Variants in MCF2L2 observed in about 807,000 individuals in gnomAD.
MCF2L2 encodes the protein MCF.2 cell line derived transforming sequence-like 2.
MCF2L2 carries 102 observed loss-of-function variants against 150.2 expected under a neutral mutation model. The ratio of observed to expected loss-of-function variants is 0.68; its 90% CI spans 0.58 to 0.80. MCF2L2 has a LOEUF of 0.80. Among genes scored for constraint, MCF2L2 ranks in the 30% least tolerant of loss-of-function variants. The probability of loss-of-function intolerance (pLI) is 0.00; values close to 1 mark genes in which losing one functional copy is unlikely to be tolerated. For missense variants in MCF2L2, 1,256 were observed against 1,372.8 expected (o/e 0.91, Z 1.34); for synonymous variants, 465 against 491.3 (o/e 0.95, Z 0.71).
chr3:183,344,229 C>T (rs1730815822), intron 3 of MCF2L2, among the ~76,000 whole-genome samples: 1 of 151,862 alleles, frequency 6.6e-6, no homozygotes, highest in Non-Finnish European at 1.5e-5. Context: ...TGAAATTAAT[C>T]CCAGGTAGAT....
At chr3:183,390,869 C>G (rs79829255) in intron 1 of MCF2L2, among the ~76,000 whole-genome samples, 2,217 of 152,226 alleles carry the variant, frequency 0.015, 52 homozygotes, top group African/African-American at 0.051. Flanking sequence ...TGCACTCCAG[C>G]CTGGACAACA....
chr3:183,216,903 C>G (rs2108657461), intron 21 of MCF2L2, among the ~76,000 whole-genome samples: 1 of 151,470 alleles, frequency 6.6e-6, no homozygotes, highest in East Asian at 1.9e-4. Flanking sequence ...CTGTGCCTGG[C>G]CAGAATTTAG....
chr3:183,285,788 G>A (rs558696395), intron 14 of MCF2L2, among the ~76,000 whole-genome samples: 10 of 152,074 alleles, frequency 6.6e-5, no homozygotes, highest in South Asian at 6.2e-4. Flanking sequence ...ACTTTAACAG[G>A]CACCAAAGGA....
chr3:183,258,028 T>C (rs775842899), intron 15 of MCF2L2, among the ~76,000 whole-genome samples: 8 of 123,314 alleles, frequency 6.5e-5, no homozygotes, highest in South Asian at 5.7e-4. Flanking sequence ...AGTGCAATGG[T>C]GCCATCTCGG....
At position 183,231,008 on chromosome 3, in the gene MCF2L2, T is replaced by A. The variant is rs1307252707; in HGVS notation, c.1872A>T (p.Ile624=). Reference sequence around the variant, plus strand: ...TCTCTTCAGTCTCAAGCAAGTCACGTATAATGCGCCTGAATCACAGCAGCA... The same window carrying A: ...TCTCTTCAGTCTCAAGCAAGTCACGAATAATGCGCCTGAATCACAGCAGCA... ...LGDLSPRRRI[I]RDLLETEEIY... Residue 624 remains isoleucine, a synonymous_variant, in exon 16 of 30, where the codon ATA becomes ATT. Coordinates refer to ENST00000328913, the MANE Select transcript of MCF2L2 (RefSeq NM_015078.4). 1 of 1,613,400 alleles carries A rather than the reference T, an allele frequency of 6.2e-7. No homozygotes were observed. The highest frequency in any genetic ancestry group is 8.5e-7 in the Non-Finnish European group (1 of 1,179,612).
In MCF2L2 at chr3:183,178,262, C is replaced by G. The variant is rs549551401; in HGVS notation, c.*1118G>C. ...CAGGGGGATCACGAGGTCAGGAGAT[C>G]GAGACCATCCTGGCTAACACGGGGA... On this transcript the variant is annotated 3_prime_UTR_variant, in exon 30 of 30. Coordinates refer to ENST00000328913, the MANE Select transcript of MCF2L2 (RefSeq NM_015078.4). The G allele has an allele frequency of 1.3e-5, 2 of 152,190 alleles. No individual in the cohort carries two copies. Among genetic ancestry groups the G allele is most frequent in the South Asian group, 2.1e-4 (1 of 4,836 alleles). The allele number at this position is 152,190 out of a possible 1,614,324, so 9.4% of individuals were successfully genotyped here.
intron 24 of MCF2L2, 72 bp from the exon 25 acceptor site, chr3:183,206,026 G>T: frequency 6.5e-7 from 1 of 1,545,348 alleles, no homozygotes; most frequent in South Asian, 1.1e-5. Context: ...TTCTCCCAGT[G>T]ACCGTTAGAC....
intron 25 of MCF2L2, among the ~76,000 whole-genome samples, chr3:183,198,856 C>T (rs2108639878): frequency 6.6e-6 from 1 of 152,300 alleles, no homozygotes; most frequent in East Asian, 1.9e-4. Flanking sequence ...GAACAAGTGA[C>T]TTTTTCTACT....
intron 22 of MCF2L2, among the ~76,000 whole-genome samples, chr3:183,209,078 A>G (rs1324737054): frequency 6.6e-6 from 1 of 152,358 alleles, no homozygotes; most frequent in East Asian, 1.9e-4. Flanking sequence ...CTGTGTTAAC[A>G]GTTCACCACA....
At chr3:183,351,190 GTATA>G (rs60311053) in intron 3 of MCF2L2, among the ~76,000 whole-genome samples, 2,782 of 38,464 alleles carry the variant, frequency 0.072, 118 homozygotes, top group African/African-American at 0.089. Context: ...ATTTTCTTAA[GTATA>G]TATATATATA....
chr3:183,296,888 T>C (rs1392968105), intron 12 of MCF2L2, 88 bp downstream of exon 12: 1 of 1,388,314 alleles, frequency 7.2e-7, no homozygotes, highest in Non-Finnish European at 9.9e-7. Context: ...CTCAGTACCC[T>C]GTGTGTACTT....
At position 183,383,822 on chromosome 3, in the gene MCF2L2, T is replaced by C. The variant is rs546345121; in HGVS notation, c.161-4411A>G. 2.8e-4 allele frequency among the ~76,000 whole-genome samples: 43 copies of C among 152,344 alleles called. No homozygotes were observed. In the South Asian group the frequency reaches 8.7e-3, roughly 31 times the overall value. ...AGGTAGGTGTGGCTGTTCACCTAAG[T>C]TTTCCCTTCCTGGGCATATAGCTAC... On this transcript the variant is annotated intron_variant, in intron 2 of 29. Transcript: ENST00000328913.
chr3:183,359,919 G>A (rs1712022425), intron 3 of MCF2L2, among the ~76,000 whole-genome samples: 1 of 152,180 alleles, frequency 6.6e-6, no homozygotes, highest in Non-Finnish European at 1.5e-5. Flanking sequence ...ATGTGCAAAA[G>A]ATGTATCTTC....
At chr3:183,311,556 T>C (rs973554482) in intron 8 of MCF2L2, 92 bp downstream of exon 8, 177 of 1,433,326 alleles carry the variant, frequency 1.2e-4, no homozygotes, top group Admixed American at 4.2e-5. Context: ...CAAGACCCAA[T>C]ATTGGCTGTT....
intron 3 of MCF2L2, among the ~76,000 whole-genome samples, chr3:183,351,931 C>T (rs770983379): frequency 2.0e-4 from 31 of 152,180 alleles, no homozygotes; most frequent in Admixed American, 4.6e-4. Context: ...CTATGATTTA[C>T]TGATTCTGTA....
intron 1 of MCF2L2, among the ~76,000 whole-genome samples, chr3:183,420,874 C>T (rs142359801): frequency 2.0e-5 from 3 of 152,200 alleles, no homozygotes; most frequent in Non-Finnish European, 2.9e-5. Context: ...AATCACCCCC[C>T]ACCAGGTCCC....
intron 13 of MCF2L2, among the ~76,000 whole-genome samples, chr3:183,294,024 T>C (rs961324381): frequency 6.6e-6 from 1 of 152,168 alleles, no homozygotes; most frequent in Non-Finnish European, 1.5e-5. Flanking sequence ...AGCTCATATA[T>C]CCAGTGTAAT....
At chr3:183,399,976 C>T (rs1488198476) in intron 1 of MCF2L2, among the ~76,000 whole-genome samples, 1 of 152,100 alleles carries the variant, frequency 6.6e-6, no homozygotes, top group Non-Finnish European at 1.5e-5. Flanking sequence ...AAACTTATTC[C>T]TTCAACCAAA....
At chr3:183,387,015 G>T (rs1223504618) in intron 2 of MCF2L2, among the ~76,000 whole-genome samples, 1 of 152,214 alleles carries the variant, frequency 6.6e-6, no homozygotes, top group East Asian at 1.9e-4. Flanking sequence ...CAGCACTTTG[G>T]AAGACTGAGA....
Sources: allele counts gnomAD v4.1 joint callset (sites outside exome capture counted in the v4.1 genomes callset), GRCh38; gene constraint gnomAD v4.1.1; transcripts MANE v1.5; gene names NCBI Gene and HGNC (gene_info 2026-07-23, HGNC 2026-07-21).